Variants in TTC23 observed in about 807,000 individuals in gnomAD.
TTC23 encodes the protein tetratricopeptide repeat domain 23, also known as tetratricopeptide repeat protein 23.
A neutral mutation model predicts 55.1 loss-of-function variants in TTC23; 58 were observed. The observed-to-expected ratio is 1.05, with a 90% CI of 0.85 to 1.31. The LOEUF is 1.31. Among genes scored for constraint, TTC23 ranks in the 50% most tolerant of loss-of-function variants. The pLI is 0.00. For synonymous variants in TTC23, 203 were observed against 199.9 expected (o/e 1.02, Z -0.13); for missense variants, 516 against 534.4 (o/e 0.97, Z 0.34).
At chr15:99,251,187 C>A (rs62023767), upstream of TTC23, 62,493 of 152,212 alleles carry the variant, frequency 0.41, 13,059 homozygotes, top group Middle Eastern at 0.6. Flanking sequence ...GCCACTCCGT[C>A]GACATCAAAC....
chr15:99,188,073 C>T (rs1364701356), intron 9 of TTC23, among the ~76,000 whole-genome samples: 2 of 151,726 alleles, frequency 1.3e-5, no homozygotes, highest in African/African-American at 4.8e-5. Context: ...TCATAATAGC[C>T]CAAAACTGGA....
At chr15:99,141,865 C>A (rs2068265605) in intron 12 of TTC23, among the ~76,000 whole-genome samples, 2 of 152,156 alleles carry the variant, frequency 1.3e-5, no homozygotes, top group South Asian at 4.1e-4. Flanking sequence ...ATTTCTTAGT[C>A]ATTTGACTAA....
At chr15:99,184,625 A>T (rs1217519000) in intron 9 of TTC23, among the ~76,000 whole-genome samples, 1 of 152,182 alleles carries the variant, frequency 6.6e-6, no homozygotes, top group African/African-American at 2.4e-5. Flanking sequence ...GTATCTAGGA[A>T]GTAACTAACT....
intron 8 of TTC23, among the ~76,000 whole-genome samples, chr15:99,216,377 T>C (rs1401467540): frequency 6.6e-6 from 1 of 152,124 alleles, no homozygotes; most frequent in Non-Finnish European, 1.5e-5. Flanking sequence ...GCATAAATCA[T>C]AAGGTGAAAA....
chr15:99,233,194 A>C (rs959194702), intron 4 of TTC23, among the ~76,000 whole-genome samples: 1 of 152,226 alleles, frequency 6.6e-6, no homozygotes, highest in African/African-American at 2.4e-5. Context: ...TGTTTCCTTG[A>C]AAATTGCTAA....
chr15:99,163,391 G>A (rs907747587), intron 10 of TTC23, among the ~76,000 whole-genome samples: 1 of 152,178 alleles, frequency 6.6e-6, no homozygotes, highest in East Asian at 1.9e-4. Context: ...CAGCTGCAAG[G>A]AACTGAACTG....
Position 99,161,866 on chromosome 15 carries a change from A to G in TTC23, c.867T>C (p.Asp289=), listed in dbSNP as rs761023267. ...AVASGRHEHH[D]VAEQYFQESM... is the part of the protein sequence containing the mutation. ...TCTCTTGAAAATACTGCTCAGCTAC[A>G]TCTGAAGAAAAGCATTTATCATAAC... The change falls in exon 11 of 14, where the codon GAT becomes GAC. Residue 289 remains aspartate (D), a splice_region_variant and synonymous_variant. Coordinates refer to ENST00000394132, the MANE Select transcript of TTC23 (RefSeq NM_001288615.3). 1 of 1,593,488 alleles carries G rather than the reference A, an allele frequency of 6.3e-7. No homozygotes were observed. Among genetic ancestry groups the G allele is most frequent in the Non-Finnish European group, 8.5e-7 (1 of 1,174,444 alleles).
chr15:99,156,429 A>C (rs1481270341), intron 11 of TTC23, 132 bp from the exon 12 acceptor site: 13 of 1,045,114 alleles, frequency 1.2e-5, no homozygotes, highest in Non-Finnish European at 1.7e-5. Context: ...GTATTAGTCC[A>C]TTCTCATGCT....
At chr15:99,158,152 CTCAGCAGTGAGGCCCCACT>C (rs2070868511) in intron 11 of TTC23, 1 of 152,218 alleles carries the variant, frequency 6.6e-6, no homozygotes, top group Non-Finnish European at 1.5e-5. Flanking sequence ...GATTGTGTAA[CTCAGCAGTGAGGCCCCACT>C]GAGGTACATG....
chr15:99,239,809 C>T (rs2079619853), intron 3 of TTC23, among the ~76,000 whole-genome samples: 1 of 152,162 alleles, frequency 6.6e-6, no homozygotes, highest in Non-Finnish European at 1.5e-5. Flanking sequence ...TGGGCAATAC[C>T]AACTAATATA....
chr15:99,224,117 A>C (rs2078186891), intron 5 of TTC23, among the ~76,000 whole-genome samples: 1 of 152,352 alleles, frequency 6.6e-6, no homozygotes, highest in Admixed American at 6.5e-5. Context: ...AGTTGGCCAA[A>C]GGAGAGTCAC....
chr15:99,159,024 T>C (rs1596315930), intron 11 of TTC23: 1 of 152,464 alleles, frequency 6.6e-6, no homozygotes, highest in East Asian at 1.9e-4. Context: ...GGCAGCTTTT[T>C]CTATTATGAT....
intron 5 of TTC23, 95 bp from the exon 6 acceptor site, chr15:99,221,959 A>T (rs1406822689): frequency 1.4e-6 from 2 of 1,402,818 alleles, no homozygotes; most frequent in African/African-American, 2.9e-5. Context: ...ATAAATACTG[A>T]GTGACTACTA....
At chr15:99,242,729 A>G (rs1365374921) in intron 2 of TTC23, among the ~76,000 whole-genome samples, 1 of 152,250 alleles carries the variant, frequency 6.6e-6, no homozygotes, top group East Asian at 1.9e-4. Flanking sequence ...ATGTGGTCAC[A>G]AACCATCTGA....
chr15:99,168,127 C>A (rs1193634382), intron 10 of TTC23, among the ~76,000 whole-genome samples: 1 of 152,226 alleles, frequency 6.6e-6, no homozygotes, highest in African/African-American at 2.4e-5. Flanking sequence ...GGAACACTTT[C>A]ACAGTGCCAT....
chr15:99,138,895 C>CCTCT (rs1207582325), intron 13 of TTC23, among the ~76,000 whole-genome samples: 3 of 152,218 alleles, frequency 2.0e-5, no homozygotes, highest in Non-Finnish European at 4.4e-5. Flanking sequence ...GAGCGCTGGG[C>CCTCT]CTCTGCTCGG....
intron 11 of TTC23, chr15:99,157,097 G>A (rs2070692585): frequency 6.7e-6 from 1 of 149,726 alleles, no homozygotes; most frequent in South Asian, 2.1e-4. Context: ...CTGTGGTGGT[G>A]CTAGGATCTG....
chr15:99,198,252 G>A (rs1440756679), intron 9 of TTC23, among the ~76,000 whole-genome samples: 1 of 152,134 alleles, frequency 6.6e-6, no homozygotes, highest in Non-Finnish European at 1.5e-5. Context: ...AACACAGCTT[G>A]CCATCTCTCC....
intron 12 of TTC23, among the ~76,000 whole-genome samples, chr15:99,153,961 G>A (rs1339872942): frequency 6.6e-6 from 1 of 152,166 alleles, no homozygotes; most frequent in East Asian, 1.9e-4. Context: ...AAATCTCCAT[G>A]CAAATAAATC....
Sources: allele counts gnomAD v4.1 joint callset (sites outside exome capture counted in the v4.1 genomes callset), GRCh38; gene constraint gnomAD v4.1.1; transcripts MANE v1.5; gene names NCBI Gene and HGNC (gene_info 2026-07-23, HGNC 2026-07-21).